Variants in OPCML observed in about 807,000 individuals in gnomAD.
OPCML encodes opioid-binding protein/cell adhesion molecule.
A neutral mutation model predicts 37.8 loss-of-function variants in OPCML; 13 were observed. The observed-to-expected ratio is 0.34, with a 90% confidence interval of 0.22 to 0.55. The LOEUF (loss-of-function observed/expected upper bound fraction) is 0.55. OPCML is among the 20% of genes least tolerant of loss of function. OPCML has a pLI of 0.91. For synonymous variants in OPCML, 176 were observed against 168.8 expected, an observed-to-expected ratio of 1.04 and a Z score of -0.33; for missense variants, 341 against 435.6, an observed-to-expected ratio of 0.78 and a Z score of 1.93.
At chr11:133,020,098 C>T (rs555721931) in intron 1 of OPCML, among the ~76,000 whole-genome samples, 2 of 152,326 alleles carry the variant, frequency 1.3e-5, no homozygotes, top group South Asian at 4.1e-4. Flanking sequence ...TCTAGCTCGC[C>T]AGAGCTAATG....
At chr11:133,518,415 A>T (rs985450504) in intron 1 of OPCML, among the ~76,000 whole-genome samples, 1 of 151,798 alleles carries the variant, frequency 6.6e-6, no homozygotes, top group African/African-American at 2.4e-5. Flanking sequence ...AGGGATGTGC[A>T]TGGATGGGTT....
At chr11:132,971,706 G>A (rs1397405551) in intron 1 of OPCML, among the ~76,000 whole-genome samples, 1 of 152,126 alleles carries the variant, frequency 6.6e-6, no homozygotes, top group Non-Finnish European at 1.5e-5. Flanking sequence ...TCTGTCTGCA[G>A]TCCTGGGGCT....
intron 1 of OPCML, among the ~76,000 whole-genome samples, chr11:132,955,705 A>G (rs182862052): frequency 8.5e-5 from 13 of 152,188 alleles, no homozygotes; most frequent in African/African-American, 2.6e-4. Context: ...AACATGGTGA[A>G]ACCCCACCTC....
At chr11:133,060,166 C>G (rs1351449052) in intron 1 of OPCML, among the ~76,000 whole-genome samples, 1 of 150,550 alleles carries the variant, frequency 6.6e-6, no homozygotes, top group Non-Finnish European at 1.5e-5. Flanking sequence ...TCTCCTCTCC[C>G]TCTCCCTCTC....
At chr11:133,331,065 G>A (rs549409642) in intron 1 of OPCML, among the ~76,000 whole-genome samples, 54 of 152,288 alleles carry the variant, frequency 3.5e-4, no homozygotes, top group East Asian at 1.7e-3. Flanking sequence ...GATAAAGTGA[G>A]GATCCAGGAG....
chr11:132,465,364 A>G (rs2096116368), intron 4 of OPCML, among the ~76,000 whole-genome samples: 1 of 152,168 alleles, frequency 6.6e-6, no homozygotes, highest in African/African-American at 2.4e-5. Context: ...ACAAAGCCAC[A>G]TGTTATTTAT....
At chr11:133,175,955 A>G (rs1233446537) in intron 1 of OPCML, among the ~76,000 whole-genome samples, 1 of 152,208 alleles carries the variant, frequency 6.6e-6, no homozygotes, top group Non-Finnish European at 1.5e-5. Flanking sequence ...GTGAAGGATT[A>G]TGGGAAAGCA....
intron 1 of OPCML, among the ~76,000 whole-genome samples, chr11:133,473,495 A>G (rs1279738001): frequency 6.6e-6 from 1 of 152,226 alleles, no homozygotes. Flanking sequence ...ACTTAGAGAC[A>G]AGGAAATAGG....
intron 3 of OPCML, among the ~76,000 whole-genome samples, chr11:132,555,507 A>C (rs1591544558): frequency 6.6e-6 from 1 of 152,112 alleles, no homozygotes; most frequent in Non-Finnish European, 1.5e-5. Context: ...CCCACAACAC[A>C]TGGGAATTAT....
At chr11:132,499,444 T>C (rs1046000963) in intron 4 of OPCML, among the ~76,000 whole-genome samples, 3 of 152,084 alleles carry the variant, frequency 2.0e-5, no homozygotes, top group Non-Finnish European at 2.9e-5. Context: ...CCTGGCACAA[T>C]ATGAGATATC....
At chr11:132,513,993 T>A (rs984511993) in intron 4 of OPCML, among the ~76,000 whole-genome samples, 1 of 152,226 alleles carries the variant, frequency 6.6e-6, no homozygotes, top group African/African-American at 2.4e-5. Context: ...AGTGCATGAA[T>A]AAATAAATAA....
chr11:132,592,831 T>C (rs1056408656), intron 3 of OPCML, among the ~76,000 whole-genome samples: 1 of 152,210 alleles, frequency 6.6e-6, no homozygotes, highest in Non-Finnish European at 1.5e-5. Flanking sequence ...AGTAATTCTG[T>C]GTGTACCTGG....
chr11:132,652,648 G>T (rs7129456), intron 3 of OPCML, among the ~76,000 whole-genome samples: 1 of 152,084 alleles, frequency 6.6e-6, no homozygotes, highest in Non-Finnish European at 1.5e-5. Context: ...TGAGTCAAAG[G>T]TGACAAACAC....
chr11:133,064,128 T>C (rs888800076), intron 1 of OPCML, among the ~76,000 whole-genome samples: 1 of 151,856 alleles, frequency 6.6e-6, no homozygotes, highest in Non-Finnish European at 1.5e-5. Flanking sequence ...AGGAAGGAGG[T>C]GGCGCTGATC....
At position 133,173,274 on chromosome 11, in the gene OPCML, T is replaced by C. The variant is rs1355252324; in HGVS notation, c.62-230264A>G. 1.3e-5 allele frequency among the ~76,000 whole-genome samples: 2 copies of C among 152,248 alleles called. No homozygotes were observed. Among genetic ancestry groups the C allele is most frequent in the Admixed American group, 6.5e-5 (1 of 15,288 alleles). On this transcript the variant is annotated intron_variant, in intron 1 of 7. Transcript: ENST00000524381. This position sits in a 1 kb window ranked among gnomAD's most constrained non-coding sequence, Gnocchi z 7.8. ...ATTTCTCAGAATGTTATCATTAACATTGTTACAGCTATAATAACATGATTA... is the reference window on the plus strand; with the variant it reads ...ATTTCTCAGAATGTTATCATTAACACTGTTACAGCTATAATAACATGATTA...
intron 2 of OPCML, among the ~76,000 whole-genome samples, chr11:132,721,950 C>CTTTTTTTTTTTTTTTTTTTTTTTT (rs34325848): frequency 1.2e-5 from 1 of 82,782 alleles, no homozygotes; most frequent in Admixed American, 1.7e-4. Flanking sequence ...CTTTCCTTCC[C>CTTTTTTTTTTTTTTTTTTTTTTTT]TTTTTTTTTT....
chr11:132,856,080 C>T (rs1424322139), intron 2 of OPCML, among the ~76,000 whole-genome samples: 1 of 152,162 alleles, frequency 6.6e-6, no homozygotes, highest in African/African-American at 2.4e-5. Context: ...AATGCCAATA[C>T]AATAGACCTA....
chr11:133,370,600 T>C (rs1381424541), intron 1 of OPCML, among the ~76,000 whole-genome samples: 1 of 149,612 alleles, frequency 6.7e-6, no homozygotes, highest in African/African-American at 2.5e-5. Flanking sequence ...CACAAATAAA[T>C]GGAAAGACAT....
Position 132,506,930 on chromosome 11 carries a change from T to TA in OPCML, c.505+22130dup, listed in dbSNP as rs541034693. The stretch of plus-strand genomic sequence containing the variant: ...AATGAAAAAAAGGCTTCAGTTGGAT[T>TA]AAAAAAAAGATAACAGAATATATTT... On this transcript the variant is annotated intron_variant, in intron 4 of 7. Transcript: ENST00000524381. 9.2e-5 allele frequency among the ~76,000 whole-genome samples: 14 copies of TA among 151,776 alleles called. 1 individual carries two copies. In the South Asian group the frequency reaches 2.9e-3, roughly 32 times the overall value.
Sources: gnomAD v4.1 joint callset for allele counts (sites outside exome capture counted in the v4.1 genomes callset) on GRCh38, gnomAD v4.1.1 for gene constraint, Gnocchi (gnomAD v3.1) non-coding constraint, MANE v1.5 for transcripts, NCBI Gene and HGNC (gene_info 2026-07-23, HGNC 2026-07-21) for gene names.